Variants in GXYLT1 observed in about 807,000 individuals in gnomAD.
GXYLT1 encodes the protein glucoside xylosyltransferase 1.
A neutral mutation model predicts 54.0 loss-of-function variants in GXYLT1; 29 were observed. The observed-to-expected ratio is 0.54, with a 90% CI of 0.40 to 0.73. The LOEUF is 0.73. Ranked by LOEUF, GXYLT1 falls within the 30% of genes least tolerant of loss-of-function variation. The pLI is 0.00. For synonymous variants in GXYLT1, 176 were observed against 204.1 expected, an observed-to-expected ratio of 0.86 and a Z score of 1.17; for missense variants, 490 against 553.4, an observed-to-expected ratio of 0.89 and a Z score of 1.15.
chr12:42,094,605 G>A (rs2065345711), intron 7 of GXYLT1, among the ~76,000 whole-genome samples: 1 of 151,398 alleles, frequency 6.6e-6, no homozygotes, highest in South Asian at 2.1e-4. Flanking sequence ...GTTACAATGA[G>A]TCAAGACTGT....
intron 3 of GXYLT1, among the ~76,000 whole-genome samples, chr12:42,111,215 C>G (rs824694): frequency 0.02 from 2,998 of 152,294 alleles, 114 homozygotes; most frequent in African/African-American, 0.068. Context: ...ACGCAGAAGA[C>G]AGGTGATTTC....
At chr12:42,115,155 C>CA (rs1444479887) in intron 3 of GXYLT1, among the ~76,000 whole-genome samples, 1 of 152,110 alleles carries the variant, frequency 6.6e-6, no homozygotes, top group African/African-American at 2.4e-5. Context: ...CTATCTATGA[C>CA]AAACCCACAG....
chr12:42,144,457 C>A lies in GXYLT1; in HGVS notation c.190G>T (p.Gly64Cys). ...GACACGCCGGGATGCGCTGCGGGGC[C>A]CGCGACGCCGGCGCCTCTCACGGCG... ...RGAVRGAGVA[G>C]PAAHPGVSDR... Residue 64 changes from glycine to cysteine, a missense_variant, in exon 1 of 8, where the codon GGC (glycine) becomes TGC (cysteine). By Grantham distance (159) the Gly-to-Cys change is radical. Transcript: ENST00000398675. 7.8e-7 allele frequency: 1 copy of A among 1,277,646 alleles called. No individual in the cohort carries two copies. Among genetic ancestry groups the A allele is most frequent in the Non-Finnish European group, 9.9e-7 (1 of 1,011,020 alleles). The allele number at this position is 1,277,646 out of a possible 1,614,324, so 79.1% of individuals were successfully genotyped here. A position where few individuals can be genotyped will look rare whatever the true frequency, so the allele number is the denominator to read the frequency against.
At chr12:42,102,522 CTG>C (rs2065395921) in intron 5 of GXYLT1, among the ~76,000 whole-genome samples, 1 of 152,168 alleles carries the variant, frequency 6.6e-6, no homozygotes, top group Non-Finnish European at 1.5e-5. Context: ...ATGTCAGACA[CTG>C]TGCTAAATAT....
At chr12:42,121,938 GA>G (rs1299441161) in intron 2 of GXYLT1, among the ~76,000 whole-genome samples, 1 of 151,986 alleles carries the variant, frequency 6.6e-6, no homozygotes, top group Non-Finnish European at 1.5e-5. Context: ...ATTGCAACTG[GA>G]AAAAAATCTA....
chr12:42,116,237 A>G (rs1333187780), intron 3 of GXYLT1, among the ~76,000 whole-genome samples: 1 of 152,182 alleles, frequency 6.6e-6, no homozygotes, highest in Admixed American at 6.5e-5. Flanking sequence ...CTTCATGTCT[A>G]AAACACCAAA....
chr12:42,130,840 A>C (rs1297590971), intron 1 of GXYLT1, among the ~76,000 whole-genome samples: 1 of 152,122 alleles, frequency 6.6e-6, no homozygotes, highest in African/African-American at 2.4e-5. Context: ...CCAGCTACTC[A>C]GGAGGCTGTG....
chr12:42,137,781 C>CAAAAA (rs2065629198), intron 1 of GXYLT1, among the ~76,000 whole-genome samples: 1 of 55,756 alleles, frequency 1.8e-5, no homozygotes, highest in African/African-American at 9.4e-5. Flanking sequence ...AAAAAAAAGT[C>CAAAAA]AGTGATAAAT....
intron 5 of GXYLT1, among the ~76,000 whole-genome samples, chr12:42,100,461 A>G (rs991614960): frequency 6.6e-6 from 1 of 152,090 alleles, no homozygotes; most frequent in African/African-American, 2.4e-5. Flanking sequence ...CCATAGTTTG[A>G]GAAACATTGT....
At chr12:42,109,967 G>C (rs1039828841) in intron 3 of GXYLT1, among the ~76,000 whole-genome samples, 1 of 152,096 alleles carries the variant, frequency 6.6e-6, no homozygotes, top group African/African-American at 2.4e-5. Flanking sequence ...AAAGACCCTC[G>C]CAAGTTTGTC....
At chr12:42,104,254 C>CTT (rs200928276) in intron 5 of GXYLT1, among the ~76,000 whole-genome samples, 1,203 of 98,326 alleles carry the variant, frequency 0.012, 22 homozygotes, top group East Asian at 0.062. Flanking sequence ...TGAGAAGTCA[C>CTT]ATTTTTTTTT....
intron 7 of GXYLT1, among the ~76,000 whole-genome samples, chr12:42,091,588 A>T (rs1007577481): frequency 6.6e-6 from 1 of 152,234 alleles, no homozygotes; most frequent in South Asian, 2.1e-4. Flanking sequence ...GAAGGCATAC[A>T]AAGCCTGCTA....
intron 1 of GXYLT1, among the ~76,000 whole-genome samples, chr12:42,134,810 T>C (rs1319747859): frequency 6.6e-6 from 1 of 152,230 alleles, no homozygotes; most frequent in African/African-American, 2.4e-5. Context: ...ATTAATTGTC[T>C]TCCCCTTAGC....
At chr12:42,138,831 G>A (rs140570746) in intron 1 of GXYLT1, among the ~76,000 whole-genome samples, 2,452 of 152,036 alleles carry the variant, frequency 0.016, 28 homozygotes, top group Non-Finnish European at 0.026. Context: ...GACCAACCAG[G>A]CTGGCCAACA....
intron 4 of GXYLT1, among the ~76,000 whole-genome samples, chr12:42,107,419 G>T (rs2065427518): frequency 6.6e-6 from 1 of 152,110 alleles, no homozygotes; most frequent in Admixed American, 6.5e-5. Flanking sequence ...GGCCAGGCAT[G>T]GTGGCTCACG....
intron 7 of GXYLT1, among the ~76,000 whole-genome samples, chr12:42,096,148 T>C (rs2065354408): frequency 6.6e-6 from 1 of 152,174 alleles, no homozygotes; most frequent in African/African-American, 2.4e-5. Context: ...GAGAATCAGG[T>C]GTGAACACAT....
rs1382150122 is a variant in GXYLT1, at chr12:42,144,731, G to T, written c.-85C>A. On this transcript the variant is annotated 5_prime_UTR_variant, in exon 1 of 8. Transcript: ENST00000398675. ...GGAGGGAGGGGCACCGCGCAGCCGC[G>T]GGCGCAACAAGTTCCTCACCCGCAG... is the stretch of plus-strand genomic sequence containing the variant. 6.5e-6 allele frequency: 7 copies of T among 1,083,846 alleles called. No homozygotes were observed. The highest frequency in any genetic ancestry group is 8.7e-5 in the Admixed American group (2 of 22,864). The allele number at this position is 1,083,846 out of a possible 1,614,324, so 67.1% of individuals were successfully genotyped here. A position where few individuals can be genotyped will look rare whatever the true frequency, so the allele number is the denominator to read the frequency against.
At chr12:42,128,356 G>GC (rs1401977404) in intron 2 of GXYLT1, among the ~76,000 whole-genome samples, 3 of 152,078 alleles carry the variant, frequency 2.0e-5, no homozygotes, top group African/African-American at 7.2e-5. Flanking sequence ...ATCGCTTTAT[G>GC]CCCCATAAAT....
At position 42,123,625 on chromosome 12, in the gene GXYLT1, CT is replaced by C. The variant is rs200277883; in HGVS notation, c.315-4455del. 5.4e-3 allele frequency among the ~76,000 whole-genome samples: 820 copies of C among 152,084 alleles called. 5 individuals are homozygous for C. The highest frequency in any genetic ancestry group is 0.019 in the African/African-American group (769 of 41,538). On this transcript the variant is annotated intron_variant, in intron 2 of 7. Coordinates refer to ENST00000398675, the MANE Select transcript of GXYLT1 (RefSeq NM_173601.2). ...TTCTGCTATAAAGGAATCATAATAA[CT>C]TTTTTGATTTTGTTTTATTTCACAG... is the stretch of plus-strand genomic sequence containing the variant.
Sources: allele counts gnomAD v4.1 joint callset (sites outside exome capture counted in the v4.1 genomes callset), GRCh38; gene constraint gnomAD v4.1.1; transcripts MANE v1.5; gene names NCBI Gene and HGNC (gene_info 2026-07-23, HGNC 2026-07-21).